TNRC6A: variants seen among roughly 807,000 people sequenced by gnomAD.
TNRC6A encodes the protein trinucleotide repeat-containing gene 6A protein.
In TNRC6A, 44 loss-of-function variants were observed where a neutral mutation model predicts 221.2. The observed-to-expected ratio is 0.20, with a 90% CI of 0.16 to 0.26. The LOEUF is 0.26. Among genes scored for constraint, TNRC6A ranks in the 10% least tolerant of loss-of-function variants. TNRC6A has a pLI of 1.00. For synonymous variants in TNRC6A, 847 were observed against 838.5 expected (o/e 1.01, Z -0.18); for missense variants, 2,199 against 2,404.4 (o/e 0.91, Z 1.79).
At chr16:24,621,381 CAG>C (rs1434096770) in intron 1 of TNRC6A, among the ~76,000 whole-genome samples, 5 of 112,028 alleles carry the variant, frequency 4.5e-5, no homozygotes, top group Non-Finnish European at 8.4e-5. Flanking sequence ...GACAGAGAGA[CAG>C]AGTCTCTCTC....
intron 2 of TNRC6A, 148 bp downstream of exon 2, chr16:24,730,448 C>G (rs1354010609): frequency 1.3e-6 from 1 of 796,618 alleles, no homozygotes; most frequent in Non-Finnish European, 1.9e-6. Flanking sequence ...TGGGGGAATA[C>G]TGGAGGGATT....
At chr16:24,678,517 C>G (rs1296157166) in intron 2 of TNRC6A, among the ~76,000 whole-genome samples, 1 of 152,156 alleles carries the variant, frequency 6.6e-6, no homozygotes, top group African/African-American at 2.4e-5. Flanking sequence ...TCAGGGAGAT[C>G]TGCTGATGAC....
rs76108427 is a variant in TNRC6A at position 24,744,536 on chromosome 16, T to C, written c.54-6190T>C. 6.9e-4 allele frequency among the ~76,000 whole-genome samples: 105 copies of C among 152,276 alleles called. 1 individual carries two copies. Among genetic ancestry groups the C allele is most frequent in the African/African-American group, 2.5e-3 (102 of 41,572 alleles). ...CATATCAGTATGGACCCATGGGTTC[T>C]TATTTTATTCAGTTGTTTGTAATTT... On this transcript the variant is annotated intron_variant, in intron 2 of 24. Transcript: ENST00000395799.
chr16:24,825,057 G>T lies in TNRC6A; in HGVS notation c.*1250G>T, dbSNP rs2058842858. 2 of 152,558 alleles carry T rather than the reference G, an allele frequency of 1.3e-5. No homozygotes were observed. The highest frequency in any genetic ancestry group is 4.1e-4 in the South Asian group (2 of 4,826). 9.5% of individuals were successfully genotyped at this position (152,558 alleles called of 1,614,324 possible). Reference sequence around the variant, plus strand: ...CTCGTGACTGTGTTAATGTTTAACTGTTGTACCTTAAAGCCGAAATCAGTA... The same window carrying T: ...CTCGTGACTGTGTTAATGTTTAACTTTTGTACCTTAAAGCCGAAATCAGTA... On this transcript the variant is annotated 3_prime_UTR_variant, in exon 25 of 25. Transcript: ENST00000395799.
intron 1 of TNRC6A, among the ~76,000 whole-genome samples, chr16:24,638,732 A>G (rs2141732448): frequency 6.6e-6 from 1 of 152,222 alleles, no homozygotes; most frequent in Admixed American, 6.5e-5. Context: ...CAAAAAACAA[A>G]AAACAAAACC....
Position 24,823,652 on chromosome 16 carries a change from G to C in TNRC6A, c.5734G>C (p.Asp1912His), listed in dbSNP as rs1292823666. 2 of 1,613,266 alleles carry C rather than the reference G, an allele frequency of 1.2e-6. No homozygotes were observed. Among genetic ancestry groups the C allele is most frequent in the Non-Finnish European group, 1.7e-6 (2 of 1,179,450 alleles). ...TGGGCTGTCGGGAACTAACTGTGGA[G>C]ACCTTCACGGCACTTCACTCTGGGG... is the stretch of plus-strand genomic sequence containing the variant. ...GAGLSGTNCG[D>H]LHGTSLWGTP... The change falls in exon 25 of 25, where the codon GAC (aspartate) becomes CAC (histidine). Residue 1912 changes from aspartate to histidine, a missense_variant. Around this residue, in one of 8 missense-constraint regions of TNRC6A, gnomAD observed 130 missense variants for 121.7 expected, o/e 1.07. Coordinates refer to ENST00000395799, the MANE Select transcript of TNRC6A (RefSeq NM_014494.4). The surrounding 1 kb of genome is among the most constrained non-coding windows in gnomAD (Gnocchi z 4.3).
chr16:24,709,113 C>T (rs1463585140), intron 2 of TNRC6A, among the ~76,000 whole-genome samples: 2 of 151,996 alleles, frequency 1.3e-5, no homozygotes, highest in Non-Finnish European at 1.5e-5. Flanking sequence ...AACAATTAGC[C>T]GGGCGTGGTG....
intron 21 of TNRC6A, 53 bp from the exon 22 acceptor site, chr16:24,820,086 C>T (rs530445170): frequency 1.2e-5 from 18 of 1,496,250 alleles, no homozygotes; most frequent in Admixed American, 3.5e-5. Flanking sequence ...TTTAAATTTC[C>T]TCCTTTCTTA....
intron 1 of TNRC6A, among the ~76,000 whole-genome samples, chr16:24,611,830 C>T (rs1900069900): frequency 2.0e-5 from 3 of 152,104 alleles, no homozygotes. Flanking sequence ...CAGTGGCTCA[C>T]ACCTGTAATC....
chr16:24,702,992 G>A (rs996542565), intron 2 of TNRC6A, among the ~76,000 whole-genome samples: 12 of 152,040 alleles, frequency 7.9e-5, no homozygotes, highest in African/African-American at 1.7e-4. Context: ...CCGAGATCGC[G>A]CCACTGCACT....
upstream of TNRC6A, among the ~76,000 whole-genome samples, chr16:24,726,896 C>T (rs1214476930): frequency 6.6e-6 from 1 of 152,094 alleles, no homozygotes; most frequent in Non-Finnish European, 1.5e-5. Flanking sequence ...TCGATGTATG[C>T]ACCAAGTTTA....
Position 24,770,975 on chromosome 16 carries a change from G to A in TNRC6A, c.164-5958G>A, listed in dbSNP as rs2057578028. Reference sequence around the variant, plus strand: ...GTTTCACTTTTATTATGAGTATATAGTGGAGTTTTCCAGAGGTGACACAGT... The same window carrying A: ...GTTTCACTTTTATTATGAGTATATAATGGAGTTTTCCAGAGGTGACACAGT... On this transcript the variant is annotated intron_variant, in intron 4 of 24. Transcript: ENST00000395799. Among the ~76,000 whole-genome samples, 3 of 152,158 alleles carry A rather than the reference G, an allele frequency of 2.0e-5. No homozygotes were observed. The South Asian group carries it at 6.2e-4, about 31-fold the overall frequency.
At chr16:24,738,172 T>G (rs1251649377) in intron 2 of TNRC6A, among the ~76,000 whole-genome samples, 1 of 152,192 alleles carries the variant, frequency 6.6e-6, no homozygotes, top group Non-Finnish European at 1.5e-5. Flanking sequence ...GACTCTTGTT[T>G]TTTGCTCAGC....
intron 4 of TNRC6A, among the ~76,000 whole-genome samples, chr16:24,771,072 T>TA (rs1159553952): frequency 1.3e-5 from 2 of 152,232 alleles, no homozygotes; most frequent in African/African-American, 4.8e-5. Context: ...AGCCAGATGT[T>TA]AGAGAGACTT....
chr16:24,728,473 T>TAA (rs35167595), upstream of TNRC6A, among the ~76,000 whole-genome samples: 15 of 144,354 alleles, frequency 1.0e-4, no homozygotes, highest in South Asian at 4.5e-4. Context: ...AATAAAAAAA[T>TAA]AAAAAAAAAA....
rs542014821 is a variant in TNRC6A at position 24,807,266 on chromosome 16, A to G, written c.4540+482A>G. Among the ~76,000 whole-genome samples, 84 of 152,176 alleles carry G rather than the reference A, an allele frequency of 5.5e-4. 1 individual carries two copies. The highest frequency in any genetic ancestry group is 1.1e-3 in the Non-Finnish European group (73 of 68,014). On this transcript the variant is annotated intron_variant, in intron 17 of 24. Coordinates refer to ENST00000395799, the MANE Select transcript of TNRC6A (RefSeq NM_014494.4). Reference sequence around the variant, plus strand: ...GTGATCTGCCTGCCTTGGCCTCCCAAAGTGTTGGGATTACAGGCATGAGCC... The same window carrying G: ...GTGATCTGCCTGCCTTGGCCTCCCAGAGTGTTGGGATTACAGGCATGAGCC...
Position 24,822,958 on chromosome 16 carries a change from C to T in TNRC6A, c.5458C>T (p.Leu1820=). The T allele has an allele frequency of 6.2e-7, 1 of 1,614,264 alleles. No homozygotes were observed. The highest frequency in any genetic ancestry group is 8.5e-7 in the Non-Finnish European group (1 of 1,180,046). ...FHLNLPHGNA[L]VRYSSKEEVV... The stretch of plus-strand genomic sequence containing the variant: ...CCTGAACCTCCCTCACGGAAATGCT[C>T]TGGTCCGCTACAGTTCAAAAGAAGA... Residue 1820 remains leucine, a synonymous_variant, in exon 24 of 25, where the codon CTG becomes TTG. Transcript: ENST00000395799.
At chr16:24,662,795 T>G (rs2055063152) in intron 2 of TNRC6A, 1 of 153,782 alleles carries the variant, frequency 6.5e-6, no homozygotes. Flanking sequence ...GGTTCTTCAA[T>G]TCTGGCAATA....
At chr16:24,675,596 GC>G (rs1397949112) in intron 2 of TNRC6A, among the ~76,000 whole-genome samples, 1 of 149,294 alleles carries the variant, frequency 6.7e-6, no homozygotes, top group Non-Finnish European at 1.5e-5. Flanking sequence ...CAGGAGAATT[GC>G]TTGGACCCAG....
Sources: gnomAD v4.1 joint callset for allele counts (sites outside exome capture counted in the v4.1 genomes callset) on GRCh38, gnomAD v4.1.1 for gene constraint, gnomAD v4.1.1 regional missense constraint, Gnocchi (gnomAD v3.1) non-coding constraint, MANE v1.5 for transcripts, NCBI Gene and HGNC (gene_info 2026-07-23, HGNC 2026-07-21) for gene names.